SORCS3: variants seen among roughly 807,000 people sequenced by gnomAD.
The protein encoded by SORCS3 is VPS10 domain-containing receptor SorCS3.
SORCS3 carries 57 observed loss-of-function variants against 146.3 expected under a neutral mutation model. The ratio of observed to expected loss-of-function variants is 0.39; its 90% CI spans 0.31 to 0.49. The LOEUF (loss-of-function observed/expected upper bound fraction) is 0.49. Among genes scored for constraint, SORCS3 ranks in the 20% least tolerant of loss-of-function variants. The probability of loss-of-function intolerance (pLI) is 0.92; values close to 1 mark genes in which losing one functional copy is unlikely to be tolerated. For synonymous variants in SORCS3, 653 were observed against 618.5 expected (o/e 1.06, Z -0.83); for missense variants, 1,341 against 1,575.5 (o/e 0.85, Z 2.52).
At chr10:104,649,740 G>A (rs947912628) in intron 1 of SORCS3, among the ~76,000 whole-genome samples, 2 of 152,210 alleles carry the variant, frequency 1.3e-5, no homozygotes, top group African/African-American at 4.8e-5. Flanking sequence ...CTCAGAATTT[G>A]TAGTAGAAAC....
Position 105,124,834 on chromosome 10 carries a change from T to G in SORCS3, c.1213-14563T>G, listed in dbSNP as rs568292589. Among the ~76,000 whole-genome samples the G allele has an allele frequency of 2.6e-5, 4 of 152,254 alleles. No individual in the cohort carries two copies. In the South Asian group the frequency reaches 8.3e-4, roughly 32 times the overall value. On this transcript the variant is annotated intron_variant, in intron 7 of 26. Coordinates refer to ENST00000369701, the MANE Select transcript of SORCS3 (RefSeq NM_014978.3). The stretch of plus-strand genomic sequence containing the variant: ...AATGTTCTCGGAAGAGACGTACACC[T>G]TGTAATAATGTGCAGGGGTAATTCC...
intron 20 of SORCS3, among the ~76,000 whole-genome samples, chr10:105,223,912 G>C (rs2056719000): frequency 6.6e-6 from 1 of 152,146 alleles, no homozygotes; most frequent in South Asian, 2.1e-4. Context: ...CTCTATTCCT[G>C]TTTTATAAAG....
intron 3 of SORCS3, among the ~76,000 whole-genome samples, chr10:104,975,367 C>A (rs1201224886): frequency 1.3e-5 from 2 of 151,870 alleles, no homozygotes; most frequent in African/African-American, 4.8e-5. Context: ...TGTGAAGGAC[C>A]TCTTCAAGGA....
At chr10:104,979,296 A>G (rs1194836587) in intron 4 of SORCS3, among the ~76,000 whole-genome samples, 1 of 152,126 alleles carries the variant, frequency 6.6e-6, no homozygotes, top group Non-Finnish European at 1.5e-5. Context: ...TATTTGATCA[A>G]CTTATACTTA....
At chr10:105,155,315 G>T (rs1246753709) in intron 9 of SORCS3, among the ~76,000 whole-genome samples, 2 of 152,138 alleles carry the variant, frequency 1.3e-5, no homozygotes, top group African/African-American at 2.4e-5. Flanking sequence ...GGCCACAGCC[G>T]CTCCCCAGGA....
intron 1 of SORCS3, among the ~76,000 whole-genome samples, chr10:104,757,496 C>T (rs1423507254): frequency 3.3e-5 from 5 of 152,138 alleles, no homozygotes; most frequent in African/African-American, 1.2e-4. Flanking sequence ...CCACAGTTTC[C>T]AGCTGCTTTT....
chr10:104,960,726 T>A (rs1200059455), intron 3 of SORCS3, among the ~76,000 whole-genome samples: 1 of 152,102 alleles, frequency 6.6e-6, no homozygotes, highest in Admixed American at 6.6e-5. Context: ...CAACATGAGT[T>A]TTGGAGGGGA....
At chr10:105,104,073 A>G (rs1019047467) in intron 6 of SORCS3, among the ~76,000 whole-genome samples, 4 of 149,404 alleles carry the variant, frequency 2.7e-5, no homozygotes, top group Non-Finnish European at 6.0e-5. Context: ...CAATTGTTAT[A>G]CATTTTTTTC....
chr10:104,791,002 G>C (rs1454645451), intron 1 of SORCS3, among the ~76,000 whole-genome samples: 1 of 152,154 alleles, frequency 6.6e-6, no homozygotes, highest in East Asian at 1.9e-4. Context: ...CTATTTGATA[G>C]TCTACAAGCA....
intron 1 of SORCS3, among the ~76,000 whole-genome samples, chr10:104,700,476 T>C (rs1005443062): frequency 6.6e-5 from 10 of 152,208 alleles, no homozygotes; most frequent in African/African-American, 2.4e-4. Flanking sequence ...ATATTCTCTT[T>C]CTCTTCCTTT....
At chr10:105,098,777 C>T (rs1321740198) in intron 6 of SORCS3, among the ~76,000 whole-genome samples, 1 of 152,228 alleles carries the variant, frequency 6.6e-6, no homozygotes, top group African/African-American at 2.4e-5. Flanking sequence ...TTGTCATTGT[C>T]ATCATGATCT....
intron 1 of SORCS3, among the ~76,000 whole-genome samples, chr10:104,696,658 G>A (rs542295819): frequency 1.1e-3 from 27 of 24,218 alleles, no homozygotes; most frequent in African/African-American, 3.6e-3. Context: ...TATTATATAC[G>A]TATATATAAT....
chr10:104,692,239 A>G (rs986876655), intron 1 of SORCS3, among the ~76,000 whole-genome samples: 1 of 152,066 alleles, frequency 6.6e-6, no homozygotes, highest in African/African-American at 2.4e-5. Context: ...GGGAGAAATA[A>G]CAGAGGGAAG....
At chr10:105,021,698 GC>G (rs1390002122) in intron 4 of SORCS3, among the ~76,000 whole-genome samples, 1 of 152,082 alleles carries the variant, frequency 6.6e-6, no homozygotes, top group Non-Finnish European at 1.5e-5. Flanking sequence ...CTGTGGTTTT[GC>G]CCTTACAAGT....
chr10:104,941,035 G>T (rs527362354), intron 3 of SORCS3, among the ~76,000 whole-genome samples: 11 of 152,268 alleles, frequency 7.2e-5, no homozygotes, highest in African/African-American at 2.6e-4. Flanking sequence ...TGTTGCCATG[G>T]CATTTGTAAA....
chr10:104,906,571 C>G (rs914496120), intron 2 of SORCS3, among the ~76,000 whole-genome samples: 2 of 152,164 alleles, frequency 1.3e-5, no homozygotes, highest in Non-Finnish European at 2.9e-5. Flanking sequence ...CCTAAGAACA[C>G]AACATTTAGA....
chr10:104,917,718 A>T (rs1374866768), intron 3 of SORCS3, among the ~76,000 whole-genome samples: 1 of 152,196 alleles, frequency 6.6e-6, no homozygotes, highest in Non-Finnish European at 1.5e-5. Context: ...TAGATTCCAC[A>T]TATGCGTGAG....
intron 3 of SORCS3, among the ~76,000 whole-genome samples, chr10:104,955,475 A>G (rs954625622): frequency 3.3e-5 from 5 of 152,236 alleles, no homozygotes; most frequent in Admixed American, 3.3e-4. Flanking sequence ...TAGAGCTGCT[A>G]TGAACAGGCA....
chr10:104,804,756 A>T (rs990326048), intron 1 of SORCS3, among the ~76,000 whole-genome samples: 1 of 152,224 alleles, frequency 6.6e-6, no homozygotes, highest in Admixed American at 6.5e-5. Flanking sequence ...GAGATTTGAT[A>T]CCATTTAGGA....
Sources: allele counts gnomAD v4.1 joint callset (sites outside exome capture counted in the v4.1 genomes callset), GRCh38; gene constraint gnomAD v4.1.1; transcripts MANE v1.5; gene names NCBI Gene and HGNC (gene_info 2026-07-23, HGNC 2026-07-21).